Variants in MYBL2 observed in about 807,000 individuals in gnomAD.
The protein encoded by MYBL2 is MYB proto-oncogene like 2.
In MYBL2, 28 loss-of-function variants were observed where a neutral mutation model predicts 79.9. That is an observed-to-expected ratio of 0.35 (90% CI 0.26 to 0.48). MYBL2 has a LOEUF of 0.48. Among genes scored for constraint, MYBL2 ranks in the 20% least tolerant of loss-of-function variants. The pLI, the probability that MYBL2 is intolerant of heterozygous loss-of-function variation, is 0.99. For missense variants in MYBL2, 735 were observed against 893.9 expected (o/e 0.82, Z 2.27); for synonymous variants, 378 against 361.2 (o/e 1.05, Z -0.53).
At chr20:43,698,914 T>C (rs1380739598) in intron 6 of MYBL2, among the ~76,000 whole-genome samples, 2 of 149,400 alleles carry the variant, frequency 1.3e-5, no homozygotes, top group Non-Finnish European at 3.0e-5. Context: ...CATAGCCCAT[T>C]GCAACCTTGA....
Position 43,716,262 on chromosome 20 carries a change from C to T in MYBL2, c.*175C>T. 1.0e-6 allele frequency: 1 copy of T among 982,360 alleles called. No homozygotes were observed. Among genetic ancestry groups the T allele is most frequent in the South Asian group, 1.8e-5 (1 of 55,638 alleles). The allele number at this position is 982,360 out of a possible 1,614,324, so 60.9% of individuals were successfully genotyped here. A position where few individuals can be genotyped will look rare whatever the true frequency, so the allele number is the denominator to read the frequency against. The stretch of plus-strand genomic sequence containing the variant: ...GCCATGTGCTGCCCTGTTGCCGAGC[C>T]CAGCTGTGGGCGGCTCCTGGTGCTA... On this transcript the variant is annotated 3_prime_UTR_variant, in exon 14 of 14. Transcript: ENST00000217026.
intron 1 of MYBL2, among the ~76,000 whole-genome samples, chr20:43,668,194 CTTTTTTT>C (rs3091539): frequency 3.7e-5 from 3 of 80,634 alleles, no homozygotes; most frequent in East Asian, 3.6e-4. Flanking sequence ...TTCGTTCCCT[CTTTTTTT>C]TTTTTTTTTT....
chr20:43,674,432 G>A (rs1185342423), intron 2 of MYBL2, among the ~76,000 whole-genome samples: 2 of 150,074 alleles, frequency 1.3e-5, no homozygotes, highest in African/African-American at 2.5e-5. Context: ...TGTCACCCAG[G>A]CTGGAGTATA....
In MYBL2 at chr20:43,681,745, CGTAT is replaced by C. The variant is rs148085806; in HGVS notation, c.115-36_115-33del. The C allele has an allele frequency of 1.5e-3, 2,442 of 1,609,992 alleles. 5 individuals carry two copies. Among genetic ancestry groups the C allele is most frequent in the Non-Finnish European group, 1.9e-3 (2,250 of 1,176,222 alleles). ...ACGGGCAGCCCTGAGGTTTTCTGCA[CGTAT>C]GTGTGCTGAGCCCCTGTCTTTCTGG... On this transcript the variant is annotated intron_variant, in intron 2 of 13. Transcript: ENST00000217026.
chr20:43,707,973 G>T (rs1987828025), intron 9 of MYBL2, among the ~76,000 whole-genome samples: 1 of 152,066 alleles, frequency 6.6e-6, no homozygotes. Flanking sequence ...AGAACATGAT[G>T]GGATTGTTTT....
chr20:43,697,956 T>C (rs1987583720), intron 6 of MYBL2, among the ~76,000 whole-genome samples: 1 of 150,566 alleles, frequency 6.6e-6, no homozygotes, highest in African/African-American at 2.4e-5. Context: ...TGGTGTGCAA[T>C]GTGATGTTTT....
chr20:43,716,183 C>T lies in MYBL2; in HGVS notation c.*96C>T, dbSNP rs1988029661. The T allele has an allele frequency of 1.9e-6, 3 of 1,566,962 alleles. No homozygotes were observed. The highest frequency in any genetic ancestry group is 2.6e-6 in the Non-Finnish European group (3 of 1,162,564). On this transcript the variant is annotated 3_prime_UTR_variant, in exon 14 of 14. Transcript: ENST00000217026. Reference sequence around the variant, plus strand: ...TGAGAGTCATTCAGGTGACCTCCTGCAGGGAGCCTTCTGCCACCAGCCCCT... The same window carrying T: ...TGAGAGTCATTCAGGTGACCTCCTGTAGGGAGCCTTCTGCCACCAGCCCCT...
chr20:43,692,366 C>G (rs760836844), intron 6 of MYBL2, 47 bp downstream of exon 6: 4 of 1,605,318 alleles, frequency 2.5e-6, no homozygotes, highest in Non-Finnish European at 3.4e-6. Context: ...TCACATTCAT[C>G]TGACACCATC....
At chr20:43,692,724 A>G (rs1987442680) in intron 6 of MYBL2, among the ~76,000 whole-genome samples, 1 of 152,196 alleles carries the variant, frequency 6.6e-6, no homozygotes, top group Non-Finnish European at 1.5e-5. Context: ...GCTCAAGCCC[A>G]GGAGTTGGAG....
At chr20:43,684,873 G>A (rs1229502041) in intron 4 of MYBL2, among the ~76,000 whole-genome samples, 7 of 150,666 alleles carry the variant, frequency 4.6e-5, no homozygotes, top group East Asian at 3.9e-4. Context: ...ACACCTGGGC[G>A]TGGTGGCTCA....
intron 6 of MYBL2, among the ~76,000 whole-genome samples, chr20:43,699,220 GT>G (rs575794990): frequency 2.0e-4 from 30 of 151,000 alleles, no homozygotes; most frequent in Middle Eastern, 6.8e-3. Flanking sequence ...GTTTTGTTTT[GT>G]TTTTAGTAGA....
chr20:43,705,099 A>G (rs966167397), intron 8 of MYBL2, 120 bp from the exon 9 acceptor site: 2 of 1,295,010 alleles, frequency 1.5e-6, no homozygotes, highest in Admixed American at 4.3e-5. Context: ...AGGGGACCTC[A>G]GTATCAGAGC....
At chr20:43,668,452 G>A (rs554294671) in intron 1 of MYBL2, among the ~76,000 whole-genome samples, 1 of 152,078 alleles carries the variant, frequency 6.6e-6, no homozygotes, top group South Asian at 2.1e-4. Flanking sequence ...CGCCCGACTC[G>A]GCCTCCCAAA....
chr20:43,713,748 T>G (rs143045507), intron 12 of MYBL2, among the ~76,000 whole-genome samples: 1,573 of 152,264 alleles, frequency 0.01, 27 homozygotes, highest in African/African-American at 0.035. Context: ...ATGGGTGCTA[T>G]ACAGCCCCCA....
chr20:43,671,946 A>ACG (rs949356250), intron 1 of MYBL2, among the ~76,000 whole-genome samples: 6 of 148,820 alleles, frequency 4.0e-5, no homozygotes, highest in Admixed American at 1.3e-4. Flanking sequence ...GCGGTGGCTC[A>ACG]CGCCTGTAAT....
chr20:43,693,744 G>A (rs1316501624), intron 6 of MYBL2, among the ~76,000 whole-genome samples: 2 of 152,138 alleles, frequency 1.3e-5, no homozygotes, highest in Non-Finnish European at 2.9e-5. Context: ...TATCTCTAAA[G>A]GTTATTTTTC....
At chr20:43,700,748 C>T (rs568347493) in intron 7 of MYBL2, among the ~76,000 whole-genome samples, 1 of 152,068 alleles carries the variant, frequency 6.6e-6, no homozygotes, top group African/African-American at 2.4e-5. Flanking sequence ...ATACAGTCTG[C>T]GTGGTATCCT....
At position 43,702,013 on chromosome 20, in the gene MYBL2, G is replaced by A. The variant is rs1399077162; in HGVS notation, c.952-477G>A. On this transcript the variant is annotated intron_variant, in intron 7 of 13. Transcript: ENST00000217026. ...GTGGTGGCACACGCCTGTAGTCCCA[G>A]CTACTCAGGAGGCTGAGGCAGGAGA... is the stretch of plus-strand genomic sequence containing the variant. 3.3e-5 allele frequency among the ~76,000 whole-genome samples: 5 copies of A among 152,200 alleles called. No homozygotes were observed. The South Asian group carries it at 6.2e-4, about 19-fold the overall frequency.
intron 7 of MYBL2, among the ~76,000 whole-genome samples, chr20:43,700,840 A>G (rs904557617): frequency 3.3e-5 from 5 of 152,152 alleles, no homozygotes; most frequent in African/African-American, 1.2e-4. Context: ...CACAGCAAGT[A>G]TACTTGGTGG....
Sources: gnomAD v4.1 joint callset for allele counts (sites outside exome capture counted in the v4.1 genomes callset) on GRCh38, gnomAD v4.1.1 for gene constraint, MANE v1.5 for transcripts, NCBI Gene and HGNC (gene_info 2026-07-23, HGNC 2026-07-21) for gene names.